The following PAQR8 variants were observed in gnomAD, a reference collection of about 807,000 sequenced individuals.
PAQR8 encodes the protein membrane progestin receptor beta.
A neutral mutation model predicts 25.2 loss-of-function variants in PAQR8; 17 were observed. That is an observed-to-expected ratio of 0.67 (90% CI 0.46 to 1.01). The LOEUF (loss-of-function observed/expected upper bound fraction) is 1.01. Ranked by LOEUF, PAQR8 falls within the 50% of genes least tolerant of loss-of-function variation. The pLI, the probability that PAQR8 is intolerant of heterozygous loss-of-function variation, is 0.00. For missense variants in PAQR8, 392 were observed against 448.4 expected, an observed-to-expected ratio of 0.87 and a Z score of 1.14; for synonymous variants, 204 against 190.6, an observed-to-expected ratio of 1.07 and a Z score of -0.58.
In PAQR8 at chr6:52,403,410, T is replaced by A. The variant is rs1316294190; in HGVS notation, c.197T>A (p.Phe66Tyr). The A allele has an allele frequency of 5.0e-6, 8 of 1,614,100 alleles. No individual in the cohort carries two copies. In the South Asian group the frequency reaches 6.6e-5, roughly 13 times the overall value. The change falls in exon 2 of 2, where the codon TTC becomes TAC. Residue 66 changes from phenylalanine (F) to tyrosine (Y), a missense_variant. Transcript: ENST00000442253. ...ACGGGGCACGAGTGGCGCTACTACT[T>A]CTTCAGCCTCTTTCAGAAACACAAC... ...RPTGHEWRYY[F>Y]FSLFQKHNEV... is the part of the protein sequence containing the mutation.
chr6:52,394,590 A>G (rs1763745388), intron 1 of PAQR8, among the ~76,000 whole-genome samples: 1 of 152,232 alleles, frequency 6.6e-6, no homozygotes, highest in Admixed American at 6.5e-5. Flanking sequence ...CCAGTCAGCC[A>G]TGTGATCTCA....
At chr6:52,377,789 TC>T (rs1210482170) in intron 1 of PAQR8, among the ~76,000 whole-genome samples, 1 of 151,416 alleles carries the variant, frequency 6.6e-6, no homozygotes, top group Non-Finnish European at 1.5e-5. Context: ...AACCAAAACT[TC>T]CTAGGCTTAC....
chr6:52,403,259 G>T lies in PAQR8; in HGVS notation c.46G>T (p.Gly16Trp). 6.2e-7 allele frequency: 1 copy of T among 1,610,822 alleles called. No individual in the cohort carries two copies. Among genetic ancestry groups the T allele is most frequent in the East Asian group, 2.2e-5 (1 of 44,732 alleles). Residue 16 changes from glycine to tryptophan, a missense_variant, in exon 2 of 2, where the codon GGG (glycine) becomes TGG (tryptophan). Physicochemically the swap from Gly to Trp is radical, Grantham distance 184. Transcript: ENST00000442253. Reference sequence around the variant, plus strand: ...GCGCCTGAGCACCCTGTCGGTCAGCGGGCAGCAGCTGCGCCGCCTGCCCAA... The same window carrying T: ...GCGCCTGAGCACCCTGTCGGTCAGCTGGCAGCAGCTGCGCCGCCTGCCCAA... ...LERLSTLSVS[G>W]QQLRRLPKIL...
At chr6:52,375,326 T>G (rs1295113831) in intron 1 of PAQR8, among the ~76,000 whole-genome samples, 1 of 152,110 alleles carries the variant, frequency 6.6e-6, no homozygotes, top group African/African-American at 2.4e-5. Context: ...ACAAGTGAAA[T>G]CTATTTGCCA....
chr6:52,379,092 T>A, intron 1 of PAQR8, among the ~76,000 whole-genome samples: 1 of 124,932 alleles, frequency 8.0e-6, no homozygotes. Flanking sequence ...GCAATACTCT[T>A]TATCAAAAAA....
chr6:52,379,719 C>T (rs1763531677), intron 1 of PAQR8, among the ~76,000 whole-genome samples: 1 of 151,202 alleles, frequency 6.6e-6, no homozygotes. Context: ...CTCCGCCTCC[C>T]GGGTTCACGC....
Position 52,404,000 on chromosome 6 carries a change from TC to T in PAQR8, c.789del (p.Cys264AlafsTer78). 4 of 1,614,202 alleles carry T rather than the reference TC, an allele frequency of 2.5e-6. No homozygotes were observed. Among genetic ancestry groups the T allele is most frequent in the Non-Finnish European group, 3.4e-6 (4 of 1,180,034 alleles). ...LFFLVSAYFF[S>X]CPVPEKYFPG... is the part of the protein sequence containing the mutation. ...CTTCCTGGTTAGCGCTTATTTCTTCTCCTGCCCCGTGCCTGAGAAGTACTTC... is the reference window on the plus strand; with the variant it reads ...CTTCCTGGTTAGCGCTTATTTCTTCTCTGCCCCGTGCCTGAGAAGTACTTC... On this transcript the variant is annotated frameshift_variant, in exon 2 of 2. Coordinates refer to ENST00000442253, the MANE Select transcript of PAQR8 (RefSeq NM_133367.5). LOFTEE classifies it high-confidence loss of function.
chr6:52,374,974 G>A (rs1413136810), intron 1 of PAQR8, among the ~76,000 whole-genome samples: 7 of 150,238 alleles, frequency 4.7e-5, no homozygotes, highest in African/African-American at 1.7e-4. Flanking sequence ...GAGATAATGA[G>A]GGAAATACAT....
intron 1 of PAQR8, among the ~76,000 whole-genome samples, chr6:52,398,216 T>C (rs1383077466): frequency 1.4e-5 from 2 of 143,066 alleles, no homozygotes; most frequent in African/African-American, 5.4e-5. Context: ...TTTTTTTTTT[T>C]TTTTTTTGAG....
intron 1 of PAQR8, among the ~76,000 whole-genome samples, chr6:52,389,840 C>T (rs981884003): frequency 3.9e-5 from 6 of 152,208 alleles, no homozygotes; most frequent in African/African-American, 4.8e-5. Flanking sequence ...GCTCTCTTCA[C>T]GTTCACCCGG....
chr6:52,377,838 T>C (rs1340888533), intron 1 of PAQR8, among the ~76,000 whole-genome samples: 2 of 152,080 alleles, frequency 1.3e-5, no homozygotes, highest in Non-Finnish European at 2.9e-5. Flanking sequence ...TTGGTATCTC[T>C]ATTAGCCAAA....
Position 52,407,278 on chromosome 6 carries a change from C to T in PAQR8, c.*3000C>T, listed in dbSNP as rs1423091445. The stretch of plus-strand genomic sequence containing the variant: ...AGTGTAGGGAGAGGAGATGGCAGGA[C>T]ACAGCAAACAGGACACATTTGCCTG... On this transcript the variant is annotated 3_prime_UTR_variant, in exon 2 of 2. Coordinates refer to ENST00000442253, the MANE Select transcript of PAQR8 (RefSeq NM_133367.5). The T allele has an allele frequency of 1.2e-5, 2 of 166,866 alleles. No individual in the cohort carries two copies. The highest frequency in any genetic ancestry group is 2.9e-5 in the Non-Finnish European group (2 of 68,078). The allele number at this position is 166,866 out of a possible 1,614,324, so 10.3% of individuals were successfully genotyped here. A position where few individuals can be genotyped will look rare whatever the true frequency, so the allele number is the denominator to read the frequency against.
rs2113955957 is a variant in PAQR8, at chr6:52,407,647, A to G, written c.*3369A>G. On this transcript the variant is annotated 3_prime_UTR_variant, in exon 2 of 2. Transcript: ENST00000442253. ...TTGTCCCCAAGGCTTCTGTCTACTA[A>G]TTCTATTGGTCTTGTGTTTTGCTTG... 7.4e-6 allele frequency: 1 copy of G among 134,506 alleles called. No individual in the cohort carries two copies. The highest frequency in any genetic ancestry group is 3.3e-5 in the African/African-American group (1 of 30,742). 8.3% of individuals were successfully genotyped at this position (134,506 alleles called of 1,614,324 possible). A position where few individuals can be genotyped will look rare whatever the true frequency, so the allele number is the denominator to read the frequency against.
intron 1 of PAQR8, among the ~76,000 whole-genome samples, chr6:52,400,008 T>C (rs1763812025): frequency 6.6e-6 from 1 of 152,218 alleles, no homozygotes; most frequent in Non-Finnish European, 1.5e-5. Context: ...CTTAGCTTTT[T>C]CTTTTCTTTT....
chr6:52,393,974 G>C (rs1763739413), intron 1 of PAQR8, among the ~76,000 whole-genome samples: 1 of 152,200 alleles, frequency 6.6e-6, no homozygotes, highest in African/African-American at 2.4e-5. Context: ...GTCCTGAGAG[G>C]ATGGCAGAAT....
intron 1 of PAQR8, among the ~76,000 whole-genome samples, chr6:52,394,421 C>T (rs1359085369): frequency 2.0e-5 from 3 of 152,152 alleles, no homozygotes; most frequent in Non-Finnish European, 4.4e-5. Flanking sequence ...CAAAACCAAA[C>T]CTTAAGAATA....
At chr6:52,380,741 C>T (rs1331936281) in intron 1 of PAQR8, among the ~76,000 whole-genome samples, 1 of 152,190 alleles carries the variant, frequency 6.6e-6, no homozygotes, top group Non-Finnish European at 1.5e-5. Flanking sequence ...GCTTAAAAAT[C>T]CTTACTTCAT....
At chr6:52,402,601 G>A (rs1299845526) in intron 1 of PAQR8, among the ~76,000 whole-genome samples, 2 of 125,010 alleles carry the variant, frequency 1.6e-5, no homozygotes, top group African/African-American at 3.2e-5. Context: ...TGGGCAACAA[G>A]AGTGAAACTC....
rs141897747 is a variant in PAQR8, at chr6:52,372,629, T to C, written c.-53+10380T>C. On this transcript the variant is annotated intron_variant, in intron 1 of 1. Transcript: ENST00000442253. ...TTTCTTTCTCTCTCTCTCTTAAACT[T>C]TCTGTTATTGAAATTTCAAACAGGC... 2.0e-3 allele frequency among the ~76,000 whole-genome samples: 304 copies of C among 151,984 alleles called. 3 individuals are homozygous for C. The highest frequency in any genetic ancestry group is 7.2e-3 in the African/African-American group (299 of 41,472).
Sources: allele counts gnomAD v4.1 joint callset (sites outside exome capture counted in the v4.1 genomes callset), GRCh38; gene constraint gnomAD v4.1.1; transcripts MANE v1.5; gene names NCBI Gene and HGNC (gene_info 2026-07-23, HGNC 2026-07-21).